The following ANKFN1 variants were observed in gnomAD, a reference collection of about 807,000 sequenced individuals.
ANKFN1 encodes the protein ankyrin repeat and fibronectin type-III domain-containing protein 1.
A neutral mutation model predicts 108.7 loss-of-function variants in ANKFN1; 74 were observed. That is an observed-to-expected ratio of 0.68 (90% CI 0.56 to 0.83). ANKFN1 has a LOEUF of 0.83. Ranked by LOEUF, ANKFN1 falls within the 40% of genes least tolerant of loss-of-function variation. The pLI, the probability that ANKFN1 is intolerant of heterozygous loss-of-function variation, is 0.00. For missense variants in ANKFN1, 1,505 were observed against 1,382.3 expected (o/e 1.09, Z -1.41); for synonymous variants, 547 against 516.2 (o/e 1.06, Z -0.81).
At chr17:56,458,263 A>G (rs1323380704) in intron 14 of ANKFN1, among the ~76,000 whole-genome samples, 1 of 152,106 alleles carries the variant, frequency 6.6e-6, no homozygotes, top group Non-Finnish European at 1.5e-5. Flanking sequence ...TCTAGATTTG[A>G]TATTAGTCAG....
intron 4 of ANKFN1, among the ~76,000 whole-genome samples, chr17:56,093,610 A>G (rs1031389495): frequency 6.6e-6 from 1 of 151,426 alleles, no homozygotes; most frequent in Admixed American, 6.6e-5. Flanking sequence ...CACCCATCCA[A>G]GAAGTGCTAC....
At chr17:56,336,988 T>C (rs1416326877) in intron 4 of ANKFN1, among the ~76,000 whole-genome samples, 2 of 152,206 alleles carry the variant, frequency 1.3e-5, no homozygotes, top group Non-Finnish European at 2.9e-5. Flanking sequence ...CCAGTAGTCA[T>C]TCAGGAGCAG....
chr17:56,336,141 A>G (rs914685084), intron 4 of ANKFN1, among the ~76,000 whole-genome samples: 4 of 152,316 alleles, frequency 2.6e-5, no homozygotes, highest in African/African-American at 9.6e-5. Context: ...GGATTTTCGC[A>G]TCGATGTTCA....
chr17:56,435,745 G>C (rs896040638), intron 8 of ANKFN1, among the ~76,000 whole-genome samples: 6 of 97,642 alleles, frequency 6.1e-5, no homozygotes, highest in Non-Finnish European at 1.6e-4. Context: ...AGTTTTATGA[G>C]GTGTTTTTTT....
intron 4 of ANKFN1, among the ~76,000 whole-genome samples, chr17:56,088,799 A>G (rs1300278460): frequency 6.6e-6 from 1 of 151,336 alleles, no homozygotes; most frequent in Non-Finnish European, 1.5e-5. Context: ...CCCCTTGAGA[A>G]GAGGAATGAT....
intron 3 of ANKFN1, among the ~76,000 whole-genome samples, chr17:56,251,249 C>A (rs747082285): frequency 3.5e-4 from 54 of 152,122 alleles, no homozygotes; most frequent in Non-Finnish European, 7.1e-4. Flanking sequence ...AAACATTAGC[C>A]AGGCATGGTG....
At chr17:56,416,761 C>G (rs2048252372) in intron 8 of ANKFN1, among the ~76,000 whole-genome samples, 1 of 152,170 alleles carries the variant, frequency 6.6e-6, no homozygotes, top group African/African-American at 2.4e-5. Flanking sequence ...CACTCCCATG[C>G]TTGTTGCAGC....
intron 4 of ANKFN1, among the ~76,000 whole-genome samples, chr17:56,049,236 T>C (rs1466718562): frequency 6.6e-6 from 1 of 152,220 alleles, no homozygotes; most frequent in Non-Finnish European, 1.5e-5. Flanking sequence ...TTATCTCTTT[T>C]ATTCATTCGC....
At chr17:56,392,349 A>T (rs993862003) in intron 8 of ANKFN1, among the ~76,000 whole-genome samples, 1 of 152,166 alleles carries the variant, frequency 6.6e-6, no homozygotes, top group Non-Finnish European at 1.5e-5. Context: ...TGAATCACCT[A>T]AAGCCTAAGG....
intron 17 of ANKFN1, among the ~76,000 whole-genome samples, chr17:56,481,393 T>A (rs949339977): frequency 1.3e-5 from 2 of 152,058 alleles, no homozygotes; most frequent in African/African-American, 4.8e-5. Context: ...ATAGTAAAAC[T>A]TTTTTAGGCT....
chr17:56,115,844 C>T (rs1181625487), intron 4 of ANKFN1, among the ~76,000 whole-genome samples: 1 of 152,162 alleles, frequency 6.6e-6, no homozygotes, highest in Non-Finnish European at 1.5e-5. Flanking sequence ...AAGCAGAGTT[C>T]TGGTTCTCTT....
At chr17:56,469,633 C>T (rs1281378442) in intron 15 of ANKFN1, among the ~76,000 whole-genome samples, 4 of 152,158 alleles carry the variant, frequency 2.6e-5, no homozygotes, top group Admixed American at 2.6e-4. Flanking sequence ...TTTAACTTCT[C>T]ATCCCTCACA....
chr17:56,349,512 G>A (rs1457832635), intron 4 of ANKFN1, among the ~76,000 whole-genome samples: 1 of 152,038 alleles, frequency 6.6e-6, no homozygotes, highest in Non-Finnish European at 1.5e-5. Context: ...TCAAAGGCAT[G>A]AGGATGAAAT....
intron 8 of ANKFN1, among the ~76,000 whole-genome samples, chr17:56,419,309 C>G (rs547572774): frequency 5.6e-4 from 85 of 152,016 alleles, no homozygotes; most frequent in African/African-American, 2.0e-3. Context: ...TGGCGAAACC[C>G]CATCTCTACT....
At position 56,477,642 on chromosome 17, in the gene ANKFN1, A is replaced by G. The variant is rs1346258445; in HGVS notation, c.1928A>G (p.Asn643Ser). ...ILCHVKIREN[N>S]NISREEWEWI... ...TGCCACGTGAAGATCCGTGAAAACA[A>G]TAATATTTCTAGGTAAGTGATCAGG... Residue 643 changes from asparagine (N) to serine (S), a missense_variant, in exon 16 of 21, where the codon AAT (asparagine) becomes AGT (serine). Coordinates refer to ENST00000682825, the MANE Select transcript of ANKFN1 (RefSeq NM_001370326.1). 2 of 1,612,358 alleles carry G rather than the reference A, an allele frequency of 1.2e-6. No homozygotes were observed. The highest frequency in any genetic ancestry group is 2.2e-5 in the South Asian group (2 of 90,694).
intron 6 of ANKFN1, among the ~76,000 whole-genome samples, chr17:56,371,129 T>C (rs2046801205): frequency 6.6e-6 from 1 of 152,166 alleles, no homozygotes; most frequent in Non-Finnish European, 1.5e-5. Flanking sequence ...CTGTCATGGC[T>C]CATGACTGAG....
intron 11 of ANKFN1, among the ~76,000 whole-genome samples, chr17:56,453,878 G>A (rs2049583204): frequency 6.6e-6 from 1 of 151,698 alleles, no homozygotes; most frequent in South Asian, 2.1e-4. Flanking sequence ...TAATTCCAGA[G>A]GTTCTATATG....
chr17:56,099,575 C>T (rs1049979131), intron 4 of ANKFN1, among the ~76,000 whole-genome samples: 2 of 152,106 alleles, frequency 1.3e-5, no homozygotes, highest in African/African-American at 4.8e-5. Flanking sequence ...TTGATTAAAC[C>T]CAGTCCTTAT....
chr17:56,467,666 G>A (rs1598662137), intron 15 of ANKFN1, among the ~76,000 whole-genome samples: 1 of 119,352 alleles, frequency 8.4e-6, no homozygotes, highest in African/African-American at 3.8e-5. Flanking sequence ...GACGGAGTGA[G>A]AATCCATCTT....
Sources: gnomAD v4.1 joint callset for allele counts (sites outside exome capture counted in the v4.1 genomes callset) on GRCh38, gnomAD v4.1.1 for gene constraint, MANE v1.5 for transcripts, NCBI Gene and HGNC (gene_info 2026-07-23, HGNC 2026-07-21) for gene names.